Variants in MAN1A1 observed in about 807,000 individuals in gnomAD.
MAN1A1 encodes mannosyl-oligosaccharide 1,2-alpha-mannosidase IA.
A neutral mutation model predicts 70.8 loss-of-function variants in MAN1A1; 29 were observed. The ratio of observed to expected loss-of-function variants is 0.41; its 90% confidence interval spans 0.31 to 0.56. The LOEUF (loss-of-function observed/expected upper bound fraction) is 0.56, where lower values mean the gene tolerates loss of function less well. MAN1A1 is among the 20% of genes least tolerant of loss of function. The pLI, the probability that MAN1A1 is intolerant of heterozygous loss-of-function variation, is 0.29. For missense variants in MAN1A1, 747 were observed against 841.3 expected (o/e 0.89, Z 1.39); for synonymous variants, 349 against 330.1 (o/e 1.06, Z -0.62).
chr6:119,203,963 C>G (rs561027322), intron 7 of MAN1A1, among the ~76,000 whole-genome samples: 3 of 152,052 alleles, frequency 2.0e-5, no homozygotes, highest in African/African-American at 7.2e-5. Context: ...AGCAGAGGCA[C>G]AGGATTGAGT....
intron 6 of MAN1A1, among the ~76,000 whole-genome samples, chr6:119,205,565 G>A (rs1489602842): frequency 6.6e-6 from 1 of 152,144 alleles, no homozygotes; most frequent in African/African-American, 2.4e-5. Context: ...CTGCTTCATG[G>A]CCTTTCTTGG....
Position 119,349,152 on chromosome 6 carries a change from C to A in MAN1A1, c.-87G>T. On this transcript the variant is annotated 5_prime_UTR_variant, in exon 2 of 13. Coordinates refer to ENST00000368468, the MANE Select transcript of MAN1A1 (RefSeq NM_005907.4). ...GGAGTCCGCGGCTGCGGGGCTGGGT[C>A]CTGCGTAGCCAGGCCGCCCGACCCC... The A allele has an allele frequency of 8.1e-7, 1 of 1,236,076 alleles. No individual in the cohort carries two copies. 76.6% of individuals were successfully genotyped at this position (1,236,076 alleles called of 1,614,324 possible).
chr6:119,244,002 T>G, intron 6 of MAN1A1, among the ~76,000 whole-genome samples: 1 of 152,056 alleles, frequency 6.6e-6, no homozygotes, highest in East Asian at 1.9e-4. Context: ...AACTAACTCA[T>G]TTATCAAGAA....
chr6:119,239,045 C>T (rs534053797), intron 6 of MAN1A1, among the ~76,000 whole-genome samples: 7 of 152,208 alleles, frequency 4.6e-5, no homozygotes, highest in Admixed American at 2.6e-4. Context: ...TACCTGCCAC[C>T]GCGCCTGGCT....
At chr6:119,303,612 A>G (rs1424975606) in intron 3 of MAN1A1, among the ~76,000 whole-genome samples, 2 of 152,140 alleles carry the variant, frequency 1.3e-5, no homozygotes, top group Admixed American at 6.5e-5. Context: ...ACTTGGATCT[A>G]ATATGTGCTT....
chr6:119,227,379 A>G (rs6932292), intron 6 of MAN1A1, among the ~76,000 whole-genome samples: 64,161 of 152,086 alleles, frequency 0.42, 14,229 homozygotes, highest in African/African-American at 0.48. Flanking sequence ...GTCAAAATAC[A>G]CTGAAATTTA....
chr6:119,280,641 G>T (rs1441719604), intron 5 of MAN1A1, among the ~76,000 whole-genome samples: 1 of 152,032 alleles, frequency 6.6e-6, no homozygotes, highest in Admixed American at 6.6e-5. Context: ...TTCTAAAGGA[G>T]ATCACAATTT....
chr6:119,284,778 A>G (rs1776318749), intron 5 of MAN1A1, among the ~76,000 whole-genome samples: 1 of 152,112 alleles, frequency 6.6e-6, no homozygotes, highest in Non-Finnish European at 1.5e-5. Context: ...AAGTAGTTTT[A>G]CCATTTTAAA....
At chr6:119,227,176 T>C (rs932515802) in intron 6 of MAN1A1, among the ~76,000 whole-genome samples, 1 of 152,000 alleles carries the variant, frequency 6.6e-6, no homozygotes. Flanking sequence ...TACAGCAGAG[T>C]ACATATTGCA....
At chr6:119,197,239 G>A (rs1246372319) in intron 8 of MAN1A1, among the ~76,000 whole-genome samples, 1 of 151,146 alleles carries the variant, frequency 6.6e-6, no homozygotes, top group Non-Finnish European at 1.5e-5. Flanking sequence ...AACCTGGCAG[G>A]TGGAGGGAGC....
intron 2 of MAN1A1, among the ~76,000 whole-genome samples, chr6:119,339,137 A>G (rs2114505275): frequency 6.6e-6 from 1 of 152,320 alleles, no homozygotes; most frequent in South Asian, 2.1e-4. Context: ...CTGCTTCATC[A>G]CTTATGAAAT....
At chr6:119,226,926 C>T (rs939904299) in intron 6 of MAN1A1, among the ~76,000 whole-genome samples, 4 of 152,086 alleles carry the variant, frequency 2.6e-5, no homozygotes, top group African/African-American at 9.7e-5. Context: ...CTGCCTTGGC[C>T]TCCCAGAGTG....
At chr6:119,279,584 C>T (rs1441404215) in intron 5 of MAN1A1, among the ~76,000 whole-genome samples, 1 of 144,018 alleles carries the variant, frequency 6.9e-6, no homozygotes, top group East Asian at 2.2e-4. Context: ...TACACGTTCA[C>T]ATCAAACATC....
intron 2 of MAN1A1, among the ~76,000 whole-genome samples, chr6:119,313,482 T>C (rs1327548592): frequency 1.3e-5 from 2 of 152,160 alleles, no homozygotes; most frequent in Non-Finnish European, 2.9e-5. Context: ...AATAAATGTA[T>C]CCCCTTCTCT....
chr6:119,263,392 AAC>A (rs1775664581), intron 5 of MAN1A1, among the ~76,000 whole-genome samples: 1 of 152,144 alleles, frequency 6.6e-6, no homozygotes, highest in African/African-American at 2.4e-5. Context: ...TAAGCAAACT[AAC>A]ACAGGAATAG....
intron 2 of MAN1A1, among the ~76,000 whole-genome samples, chr6:119,322,013 G>A (rs1773024289): frequency 6.6e-6 from 1 of 152,148 alleles, no homozygotes. Context: ...AGAGAAGGAA[G>A]GAGATCACAG....
intron 4 of MAN1A1, among the ~76,000 whole-genome samples, chr6:119,295,764 T>C (rs1582778532): frequency 6.6e-6 from 1 of 152,178 alleles, no homozygotes. Context: ...TTCTACTTAG[T>C]GAATTATGAG....
intron 6 of MAN1A1, among the ~76,000 whole-genome samples, chr6:119,230,106 G>C (rs1002705104): frequency 3.9e-5 from 6 of 152,068 alleles, no homozygotes; most frequent in Non-Finnish European, 7.3e-5. Context: ...ACCAACCAGA[G>C]TTTAATACTA....
chr6:119,331,129 G>C (rs1773298767), intron 2 of MAN1A1, among the ~76,000 whole-genome samples: 1 of 152,264 alleles, frequency 6.6e-6, no homozygotes, highest in South Asian at 2.1e-4. Flanking sequence ...AATGATAACT[G>C]TATCGCCCCA....
Sources: allele counts gnomAD v4.1 joint callset (sites outside exome capture counted in the v4.1 genomes callset), GRCh38; gene constraint gnomAD v4.1.1; transcripts MANE v1.5; gene names NCBI Gene and HGNC (gene_info 2026-07-23, HGNC 2026-07-21).